MAF: variants seen among roughly 807,000 people sequenced by gnomAD.
The protein encoded by MAF is MAF bZIP transcription factor, also known as transcription factor Maf.
In MAF, 10 loss-of-function variants were observed where a neutral mutation model predicts 22.0. The ratio of observed to expected loss-of-function variants is 0.45; its 90% CI spans 0.28 to 0.77. The LOEUF is 0.77. Ranked by LOEUF, MAF falls within the 30% of genes least tolerant of loss-of-function variation. The pLI is 0.12. For synonymous variants in MAF, 337 were observed against 255.8 expected (o/e 1.32, Z -3.03); for missense variants, 544 against 548.4 (o/e 0.99, Z 0.08).
chr16:79,255,549 G>A, the MAF span, among the ~76,000 whole-genome samples: 1 of 152,160 alleles, frequency 6.6e-6, no homozygotes, highest in Non-Finnish European at 1.5e-5. Context: ...TTGCTTTACT[G>A]CCAGAAGGGG....
the MAF span, among the ~76,000 whole-genome samples, chr16:79,433,267 T>TAA: frequency 7.2e-3 from 1,003 of 139,296 alleles, 2 homozygotes; most frequent in Middle Eastern, 0.012. Context: ...ATAAGACAAG[T>TAA]AAAAAAAAAA....
the MAF span, among the ~76,000 whole-genome samples, chr16:79,509,686 C>A: frequency 1.3e-5 from 2 of 152,232 alleles, no homozygotes; most frequent in East Asian, 3.9e-4. Context: ...ACAGTGGGGG[C>A]CCAGGGCCTG....
At chr16:79,252,008 A>G in the MAF span, among the ~76,000 whole-genome samples, 3 of 152,262 alleles carry the variant, frequency 2.0e-5, 1 homozygote, top group Non-Finnish European at 2.9e-5. Flanking sequence ...AGGGAGAACT[A>G]AGAATCCTGC....
intron 1 of MAF, among the ~76,000 whole-genome samples, chr16:79,588,354 G>A (rs1300544462): frequency 1.3e-5 from 2 of 152,198 alleles, no homozygotes; most frequent in African/African-American, 2.4e-5. Flanking sequence ...TCTACCAAAG[G>A]ACAGAGTTGA....
chr16:79,547,150 G>A, the MAF span, among the ~76,000 whole-genome samples: 6 of 151,898 alleles, frequency 4.0e-5, no homozygotes, highest in African/African-American at 1.5e-4. Flanking sequence ...GATGGACTTG[G>A]TGACATGGAA....
chr16:79,366,642 G>C, the MAF span, among the ~76,000 whole-genome samples: 2,133 of 152,250 alleles, frequency 0.014, 12 homozygotes, highest in Middle Eastern at 0.027. Context: ...TGGAAGTTTT[G>C]AGAGTCAGCA....
At chr16:79,445,177 G>A in the MAF span, among the ~76,000 whole-genome samples, 1 of 151,350 alleles carries the variant, frequency 6.6e-6, no homozygotes, top group Non-Finnish European at 1.5e-5. Context: ...GGAACTACAG[G>A]CACCTGCCAC....
chr16:79,589,984 G>C (rs1424494039), downstream of MAF, among the ~76,000 whole-genome samples: 1 of 152,156 alleles, frequency 6.6e-6, no homozygotes, highest in African/African-American at 2.4e-5. Flanking sequence ...TGAGGGACTC[G>C]GTAGCTTCAG....
At chr16:79,273,231 A>G in the MAF span, among the ~76,000 whole-genome samples, 1 of 152,194 alleles carries the variant, frequency 6.6e-6, no homozygotes, top group Non-Finnish European at 1.5e-5. Context: ...CGGCTGAGAC[A>G]CAATGCAACC....
chr16:79,243,959 A>T, the MAF span, among the ~76,000 whole-genome samples: 4 of 151,998 alleles, frequency 2.6e-5, no homozygotes, highest in Non-Finnish European at 4.4e-5. Context: ...AAACCAATGA[A>T]AAAAACCACG....
the MAF span, among the ~76,000 whole-genome samples, chr16:79,442,944 T>G: frequency 5.3e-5 from 8 of 152,312 alleles, no homozygotes; most frequent in African/African-American, 1.9e-4. Context: ...GAGGCATTGG[T>G]ACACCAGCCA....
the MAF span, among the ~76,000 whole-genome samples, chr16:79,268,138 G>C: frequency 1.1e-4 from 16 of 152,182 alleles, no homozygotes; most frequent in African/African-American, 3.6e-4. Flanking sequence ...GAGTGGCCTC[G>C]TTGCTTCTGT....
At chr16:79,447,622 G>A in the MAF span, among the ~76,000 whole-genome samples, 2 of 152,136 alleles carry the variant, frequency 1.3e-5, no homozygotes, top group African/African-American at 4.8e-5. Flanking sequence ...CGTTCTAGAT[G>A]CCATTAGAAA....
At chr16:79,383,714 C>G in the MAF span, among the ~76,000 whole-genome samples, 1 of 152,142 alleles carries the variant, frequency 6.6e-6, no homozygotes, top group African/African-American at 2.4e-5. Context: ...TGTGTTTACG[C>G]TGGTCCTCTT....
chr16:79,327,639 G>A, the MAF span, among the ~76,000 whole-genome samples: 10 of 152,134 alleles, frequency 6.6e-5, no homozygotes, highest in African/African-American at 2.4e-4. Context: ...ATCATTAAGC[G>A]TTCTCTCTCT....
the MAF span, among the ~76,000 whole-genome samples, chr16:79,248,282 T>G: frequency 6.6e-6 from 1 of 152,168 alleles, no homozygotes; most frequent in Non-Finnish European, 1.5e-5. Flanking sequence ...ATTTTGCTTT[T>G]TGGAATAAAG....
At chr16:79,246,050 C>A in the MAF span, among the ~76,000 whole-genome samples, 1 of 151,944 alleles carries the variant, frequency 6.6e-6, no homozygotes, top group South Asian at 2.1e-4. Flanking sequence ...TATACCAGGG[C>A]CTGTCAGGGG....
the MAF span, among the ~76,000 whole-genome samples, chr16:79,466,926 A>C: frequency 6.6e-6 from 1 of 152,214 alleles, no homozygotes; most frequent in African/African-American, 2.4e-5. Context: ...CCACGGAGGA[A>C]TCAGGTTTCC....
the MAF span, among the ~76,000 whole-genome samples, chr16:79,477,302 G>C: frequency 6.6e-6 from 1 of 152,200 alleles, no homozygotes; most frequent in Non-Finnish European, 1.5e-5. Flanking sequence ...CTGGAGCATG[G>C]GTTTGAGGAT....
Sources: gnomAD v4.1 joint callset for allele counts (sites outside exome capture counted in the v4.1 genomes callset) on GRCh38, gnomAD v4.1.1 for gene constraint, MANE v1.5 for transcripts, NCBI Gene and HGNC (gene_info 2026-07-23, HGNC 2026-07-21) for gene names.